PHC3: variants seen among roughly 807,000 people sequenced by gnomAD.
PHC3 encodes the protein polyhomeotic-like protein 3.
In PHC3, 13 loss-of-function variants were observed where a neutral mutation model predicts 107.4. That is an observed-to-expected ratio of 0.12 (90% CI 0.08 to 0.19). The LOEUF is 0.19. Ranked by LOEUF, PHC3 falls within the 10% of genes least tolerant of loss-of-function variation. The pLI is 1.00. For synonymous variants in PHC3, 456 were observed against 427.4 expected (o/e 1.07, Z -0.83); for missense variants, 992 against 1,210.9 (o/e 0.82, Z 2.68).
At chr3:170,172,400 A>G (rs1024713416) in intron 3 of PHC3, among the ~76,000 whole-genome samples, 157 bp downstream of exon 3, 1 of 152,204 alleles carries the variant, frequency 6.6e-6, no homozygotes, top group African/African-American at 2.4e-5. Flanking sequence ...CTTTTTCTCA[A>G]TTAACTTCTA....
At position 170,095,955 on chromosome 3, in the gene PHC3, T is replaced by C. The variant is rs1476328929; in HGVS notation, c.*1275A>G. 6.6e-6 allele frequency: 1 copy of C among 152,190 alleles called. No individual in the cohort carries two copies. Among genetic ancestry groups the C allele is most frequent in the African/African-American group, 2.4e-5 (1 of 41,452 alleles). The allele number at this position is 152,190 out of a possible 1,614,324, so 9.4% of individuals were successfully genotyped here. ...GTAAAGGAAGTAGGAATGTGCATTC[T>C]AGCTAGTCCCAGCATGTTCAACAAT... On this transcript the variant is annotated 3_prime_UTR_variant, in exon 15 of 15. Coordinates refer to ENST00000495893, the MANE Select transcript of PHC3 (RefSeq NM_024947.4).
intron 6 of PHC3, among the ~76,000 whole-genome samples, chr3:170,138,478 T>G (rs1056008849): frequency 1.3e-5 from 2 of 151,664 alleles, no homozygotes; most frequent in South Asian, 4.2e-4. Context: ...GATCACAAGG[T>G]CAGGAGTTTG....
chr3:170,130,122 CTTA>C (rs1722015008), intron 7 of PHC3, among the ~76,000 whole-genome samples: 2 of 152,132 alleles, frequency 1.3e-5, no homozygotes, highest in Admixed American at 1.3e-4. Context: ...ATGGTTTGTT[CTTA>C]TTATATTTTA....
At chr3:170,178,739 A>C in intron 2 of PHC3, 34 bp downstream of exon 2, 1 of 1,605,088 alleles carries the variant, frequency 6.2e-7, no homozygotes, top group Non-Finnish European at 8.5e-7. Flanking sequence ...TGACATCTTA[A>C]GTCTTAGACT....
intron 14 of PHC3, 152 bp downstream of exon 14, chr3:170,102,327 A>G: frequency 1.0e-6 from 1 of 985,418 alleles, no homozygotes; most frequent in Non-Finnish European, 1.2e-6. Flanking sequence ...AGCAAGAGGA[A>G]ACAGATCATA....
rs1203695385 is a variant in PHC3 at position 170,108,335 on chromosome 3, TCA to T, written c.2354-1391_2354-1390del. ...AGTGAGCTCAGGTACTCACATTACC[TCA>T]GTTTTACTGGGGAAGCAGATGGCAA... On this transcript the variant is annotated intron_variant, in intron 11 of 14. Transcript: ENST00000495893. Among the ~76,000 whole-genome samples, 3 of 152,166 alleles carry T rather than the reference TCA, an allele frequency of 2.0e-5. No homozygotes were observed. In the East Asian group the frequency reaches 5.8e-4, roughly 29 times the overall value.
intron 2 of PHC3, 64 bp from the exon 3 acceptor site, chr3:170,172,776 C>A (rs1242109124): frequency 3.3e-6 from 5 of 1,521,256 alleles, no homozygotes; most frequent in South Asian, 1.3e-5. Context: ...ATCAGAAAAT[C>A]AAAGTATAAA....
chr3:170,091,952 T>C lies in PHC3; in HGVS notation c.*5278A>G, dbSNP rs1328209363. On this transcript the variant is annotated 3_prime_UTR_variant, in exon 15 of 15. Coordinates refer to ENST00000495893, the MANE Select transcript of PHC3 (RefSeq NM_024947.4). ...AACTACTGTGAACAAAACTATATGA[T>C]ACATTTTATGAACTTCTAATAAAAG... The C allele has an allele frequency of 1.3e-5, 2 of 152,230 alleles. No homozygotes were observed. The highest frequency in any genetic ancestry group is 2.9e-5 in the Non-Finnish European group (2 of 68,036). The allele number at this position is 152,230 out of a possible 1,614,324, so 9.4% of individuals were successfully genotyped here.
intron 4 of PHC3, chr3:170,171,008 T>A: frequency 3.9e-6 from 1 of 254,212 alleles, no homozygotes; most frequent in Non-Finnish European, 7.4e-6. Context: ...TAGAAATGCT[T>A]AGATGTCTAC....
intron 10 of PHC3, among the ~76,000 whole-genome samples, chr3:170,113,890 A>T (rs1718359087): frequency 6.6e-6 from 1 of 152,232 alleles, no homozygotes; most frequent in East Asian, 1.9e-4. Context: ...AACACTGAAA[A>T]ACAAAGGCAA....
At chr3:170,176,989 A>C in intron 2 of PHC3, 1 of 397,374 alleles carries the variant, frequency 2.5e-6, no homozygotes, top group Non-Finnish European at 5.1e-6. Context: ...TGCCCTTTTT[A>C]TATAATACCA....
intron 1 of PHC3, 148 bp from the exon 2 acceptor site, chr3:170,179,086 C>G (rs1266096123): frequency 2.8e-6 from 2 of 709,620 alleles, no homozygotes; most frequent in Admixed American, 2.7e-5. Flanking sequence ...ACTATAAGCA[C>G]TTAGAAGGGA....
chr3:170,150,556 T>TAAAAAAAAAAAAA (rs1725757318), intron 4 of PHC3: 17 of 110,744 alleles, frequency 1.5e-4, no homozygotes, highest in African/African-American at 4.2e-4. Flanking sequence ...AAAAAAAAAT[T>TAAAAAAAAAAAAA]AAAAAAATTA....
At chr3:170,161,320 T>G (rs1402384871) in intron 4 of PHC3, among the ~76,000 whole-genome samples, 1 of 152,226 alleles carries the variant, frequency 6.6e-6, no homozygotes, top group African/African-American at 2.4e-5. Context: ...CTATGGAGGC[T>G]GCCATAATAA....
intron 8 of PHC3, among the ~76,000 whole-genome samples, chr3:170,128,167 CA>C (rs1199324672): frequency 6.6e-6 from 1 of 151,928 alleles, no homozygotes; most frequent in African/African-American, 2.4e-5. Context: ...ATTTCAACTA[CA>C]AAGTATAATT....
chr3:170,178,235 C>G (rs140082561), intron 2 of PHC3, among the ~76,000 whole-genome samples: 14,575 of 150,894 alleles, frequency 0.097, 860 homozygotes, highest in Admixed American at 0.19. Flanking sequence ...GCTCCGCCTT[C>G]CGGGTTCACG....
At chr3:170,139,896 A>G (rs1306859399) in intron 6 of PHC3, among the ~76,000 whole-genome samples, 2 of 152,192 alleles carry the variant, frequency 1.3e-5, no homozygotes, top group African/African-American at 4.8e-5. Context: ...GGTGTCCCAC[A>G]TTCATTTCAT....
At chr3:170,108,984 GAGT>G (rs199566572) in intron 11 of PHC3, among the ~76,000 whole-genome samples, 1,858 of 152,248 alleles carry the variant, frequency 0.012, 40 homozygotes, top group African/African-American at 0.042. Context: ...ACAAAAATAA[GAGT>G]AGTATAAGTT....
At chr3:170,110,653 T>C (rs1576995358) in intron 11 of PHC3, among the ~76,000 whole-genome samples, 3 of 152,200 alleles carry the variant, frequency 2.0e-5, no homozygotes, top group Admixed American at 6.6e-5. Context: ...CCAAACTACA[T>C]TAAAAGCTGC....
Sources: allele counts gnomAD v4.1 joint callset (sites outside exome capture counted in the v4.1 genomes callset), GRCh38; gene constraint gnomAD v4.1.1; transcripts MANE v1.5; gene names NCBI Gene and HGNC (gene_info 2026-07-23, HGNC 2026-07-21).